USP49: variants seen among roughly 807,000 people sequenced by gnomAD.
USP49 encodes the protein ubiquitin specific peptidase 49, also known as ubiquitin carboxyl-terminal hydrolase 49.
A neutral mutation model predicts 58.6 loss-of-function variants in USP49; 24 were observed. That is an observed-to-expected ratio of 0.41 (90% CI 0.30 to 0.58). USP49 has a LOEUF of 0.58. Among genes scored for constraint, USP49 ranks in the 20% least tolerant of loss-of-function variants. The pLI is 0.30. For missense variants in USP49, 703 were observed against 866.1 expected (o/e 0.81, Z 2.36); for synonymous variants, 408 against 365.1 (o/e 1.12, Z -1.34).
intron 7 of USP49, chr6:41,797,927 G>T: frequency 1.5e-6 from 1 of 661,792 alleles, no homozygotes; most frequent in Non-Finnish European, 1.9e-6. Context: ...GAATGCAGTG[G>T]TGAAATCATA....
chr6:41,817,851 A>G (rs1201402228), intron 3 of USP49, among the ~76,000 whole-genome samples: 2 of 151,676 alleles, frequency 1.3e-5, no homozygotes, highest in East Asian at 2.0e-4. Context: ...CCTGACCTAA[A>G]GTGATCCACC....
chr6:41,863,933 AT>A (rs35693450), intron 3 of USP49, among the ~76,000 whole-genome samples: 1,512 of 137,606 alleles, frequency 0.011, 15 homozygotes, highest in African/African-American at 0.033. Context: ...AATTTTTGTA[AT>A]TTTTTTTTTT....
chr6:41,843,769 T>G (rs1158852054), intron 3 of USP49, among the ~76,000 whole-genome samples: 3 of 150,814 alleles, frequency 2.0e-5, no homozygotes, highest in Non-Finnish European at 3.0e-5. Flanking sequence ...ATCGGCCGGG[T>G]GTGGTGGCTC....
At chr6:41,866,046 C>T (rs1237388970) in intron 3 of USP49, among the ~76,000 whole-genome samples, 1 of 150,632 alleles carries the variant, frequency 6.6e-6, no homozygotes, top group Non-Finnish European at 1.5e-5. Context: ...CTCAGCCTCC[C>T]AAGTAGCTGG....
chr6:41,810,125 C>G (rs927595248), intron 3 of USP49, among the ~76,000 whole-genome samples: 2 of 150,970 alleles, frequency 1.3e-5, no homozygotes, highest in African/African-American at 4.9e-5. Context: ...GCACTTCAGC[C>G]TGGGCGACAG....
At chr6:41,810,939 T>C (rs1017802938) in intron 3 of USP49, among the ~76,000 whole-genome samples, 3 of 152,208 alleles carry the variant, frequency 2.0e-5, no homozygotes, top group Admixed American at 2.0e-4. Flanking sequence ...TGCAGTTTCA[T>C]GATTATGAGG....
chr6:41,850,455 A>T (rs1428974331), intron 3 of USP49, among the ~76,000 whole-genome samples: 1 of 149,990 alleles, frequency 6.7e-6, no homozygotes, highest in Non-Finnish European at 1.5e-5. Context: ...AGGAAAGAAA[A>T]AAAAAAAAAA....
rs754600182 is a variant in USP49, at chr6:41,806,888, G to A, written c.96C>T (p.Thr32=). Residue 32 remains threonine (T), a synonymous_variant, in exon 4 of 8, where the codon ACC becomes ACT. Transcript: ENST00000682992. This position sits in a 1 kb window ranked among gnomAD's most constrained non-coding sequence, Gnocchi z 5.9. The part of the protein sequence containing the change: ...QKWCCLECAT[T]ESVWACLKCS... ...ACTTGAGGCAGGCCCACACGGACTC[G>A]GTGGTGGCACACTCTAAGCAGCACC... is the stretch of plus-strand genomic sequence containing the variant. 1.2e-5 allele frequency: 20 copies of A among 1,613,956 alleles called. No individual in the cohort carries two copies. Among genetic ancestry groups the A allele is most frequent in the African/African-American group, 1.1e-4 (8 of 74,914 alleles).
chr6:41,811,763 A>G (rs536554308), intron 3 of USP49, among the ~76,000 whole-genome samples: 9 of 152,330 alleles, frequency 5.9e-5, no homozygotes, highest in Admixed American at 4.6e-4. Context: ...ACATTAAAAG[A>G]TGGAATAGTA....
At chr6:41,807,504 G>A (rs1773162804) in intron 3 of USP49, among the ~76,000 whole-genome samples, 1 of 152,060 alleles carries the variant, frequency 6.6e-6, no homozygotes, top group Admixed American at 6.5e-5. Flanking sequence ...GCAGTGGCGG[G>A]ATATCAGCTC....
intron 3 of USP49, among the ~76,000 whole-genome samples, chr6:41,859,876 C>A (rs1774190731): frequency 6.6e-6 from 1 of 152,016 alleles, no homozygotes; most frequent in South Asian, 2.1e-4. Context: ...ACTAGAATAC[C>A]AATGGAAATA....
rs1772888239 is a variant in USP49, at chr6:41,796,423, C to T, written c.*110G>A. 2 of 613,386 alleles carry T rather than the reference C, an allele frequency of 3.3e-6. No individual in the cohort carries two copies. The highest frequency in any genetic ancestry group is 1.8e-5 in the African/African-American group (1 of 54,088). 38.0% of individuals were successfully genotyped at this position (613,386 alleles called of 1,614,324 possible). On this transcript the variant is annotated 3_prime_UTR_variant, in exon 8 of 8. Coordinates refer to ENST00000682992, the MANE Select transcript of USP49 (RefSeq NM_001286554.2). ...TCACCTGGCACCTTCTACTCTAGACCCAGCAAGGCAAACCTAGTAATCTGT... is the reference window on the plus strand; with the variant it reads ...TCACCTGGCACCTTCTACTCTAGACTCAGCAAGGCAAACCTAGTAATCTGT...
intron 3 of USP49, among the ~76,000 whole-genome samples, chr6:41,858,628 C>T (rs1774170425): frequency 6.6e-6 from 1 of 152,258 alleles, no homozygotes; most frequent in Admixed American, 6.5e-5. Flanking sequence ...GGCAATCTCT[C>T]ATCTCAGAAC....
chr6:41,790,217 T>A lies in USP49; in HGVS notation c.*6316A>T, dbSNP rs1450771204. The A allele has an allele frequency of 6.6e-6, 1 of 152,234 alleles. No homozygotes were observed. Among genetic ancestry groups the A allele is most frequent in the Non-Finnish European group, 1.5e-5 (1 of 68,048 alleles). 9.4% of individuals were successfully genotyped at this position (152,234 alleles called of 1,614,324 possible). Reference sequence around the variant, plus strand: ...GGGTTTTCCAGACACCAGGGAGGCATCATTGCTGGAATAGTGAGGTTTGGT... The same window carrying A: ...GGGTTTTCCAGACACCAGGGAGGCAACATTGCTGGAATAGTGAGGTTTGGT... On this transcript the variant is annotated 3_prime_UTR_variant, in exon 8 of 8. Transcript: ENST00000682992.
intron 3 of USP49, among the ~76,000 whole-genome samples, chr6:41,866,936 T>G (rs888427831): frequency 7.2e-5 from 11 of 152,138 alleles, no homozygotes; most frequent in Non-Finnish European, 1.3e-4. Flanking sequence ...TGATCAATAT[T>G]CAGAAGAGAT....
intron 3 of USP49, among the ~76,000 whole-genome samples, chr6:41,825,384 A>C (rs1408622776): frequency 6.6e-6 from 1 of 152,062 alleles, no homozygotes; most frequent in Non-Finnish European, 1.5e-5. Context: ...ATCCCACAGA[A>C]GGAAGTTCCG....
At position 41,851,318 on chromosome 6, in the gene USP49, G is replaced by A. The variant is rs1774023579; in HGVS notation, c.-29+20246C>T. Among the ~76,000 whole-genome samples, 4 of 152,146 alleles carry A rather than the reference G, an allele frequency of 2.6e-5. No individual in the cohort carries two copies. The South Asian group carries it at 8.3e-4, about 32-fold the overall frequency. ...AGTAGGACTCATTTCTGGAATGCAT[G>A]TATGATTCAACATATGAATATCAAT... On this transcript the variant is annotated intron_variant, in intron 3 of 7. Transcript: ENST00000682992.
chr6:41,810,526 T>C (rs1773238679), intron 3 of USP49, among the ~76,000 whole-genome samples: 2 of 139,534 alleles, frequency 1.4e-5, no homozygotes, highest in Non-Finnish European at 3.0e-5. Context: ...AAATAAATAA[T>C]TCAATTCCCT....
chr6:41,855,464 G>A (rs370115696), intron 3 of USP49, among the ~76,000 whole-genome samples: 2 of 151,474 alleles, frequency 1.3e-5, no homozygotes, highest in Non-Finnish European at 2.9e-5. Flanking sequence ...ACAATGAGCC[G>A]AGATCACACC....
Sources: gnomAD v4.1 joint callset for allele counts (sites outside exome capture counted in the v4.1 genomes callset) on GRCh38, gnomAD v4.1.1 for gene constraint, Gnocchi (gnomAD v3.1) non-coding constraint, MANE v1.5 for transcripts, NCBI Gene and HGNC (gene_info 2026-07-23, HGNC 2026-07-21) for gene names.